The following SLC4A4 variants were observed in gnomAD, a reference collection of about 807,000 sequenced individuals.
SLC4A4 encodes electrogenic sodium bicarbonate cotransporter 1.
Under a neutral mutation model 111.5 loss-of-function variants are expected in SLC4A4, and 27 were observed. The ratio of observed to expected loss-of-function variants is 0.24; its 90% CI spans 0.18 to 0.33. The LOEUF (loss-of-function observed/expected upper bound fraction) is 0.33. Among genes scored for constraint, SLC4A4 ranks in the 10% least tolerant of loss-of-function variants. The pLI is 1.00. For missense variants in SLC4A4, 909 were observed against 1,315.5 expected (o/e 0.69, Z 4.78); for synonymous variants, 443 against 463.4 (o/e 0.96, Z 0.57).
intron 2 of SLC4A4, among the ~76,000 whole-genome samples, chr4:71,245,371 A>T (rs1003453973): frequency 1.3e-5 from 2 of 152,176 alleles, no homozygotes; most frequent in Admixed American, 1.3e-4. Context: ...GTGTCCCAAG[A>T]GGGCAAAGAC....
At chr4:71,430,006 G>A (rs1723493152) in intron 7 of SLC4A4, among the ~76,000 whole-genome samples, 1 of 151,918 alleles carries the variant, frequency 6.6e-6, no homozygotes, top group African/African-American at 2.4e-5. Flanking sequence ...TCATGCTTTA[G>A]CCATTACTTT....
At chr4:71,222,396 C>T (rs886592050) in intron 1 of SLC4A4, among the ~76,000 whole-genome samples, 2 of 152,364 alleles carry the variant, frequency 1.3e-5, no homozygotes, top group Admixed American at 1.3e-4. Flanking sequence ...AACTGCACCA[C>T]TACCCAGTTT....
At chr4:71,151,208 C>T (rs1450347404) in intron 2 of SLC4A4, among the ~76,000 whole-genome samples, 1 of 152,232 alleles carries the variant, frequency 6.6e-6, no homozygotes, top group Non-Finnish European at 1.5e-5. Flanking sequence ...ACTGCGTCTA[C>T]TGGTTTGCTG....
chr4:71,373,323 ACT>A (rs1374924083), intron 6 of SLC4A4, among the ~76,000 whole-genome samples: 2 of 152,186 alleles, frequency 1.3e-5, no homozygotes, highest in African/African-American at 4.8e-5. Flanking sequence ...CATTTATTAT[ACT>A]CTCTGCAAAT....
chr4:71,127,635 C>A (rs1743594001), intron 2 of SLC4A4, among the ~76,000 whole-genome samples: 2 of 151,652 alleles, frequency 1.3e-5, no homozygotes, highest in Admixed American at 1.3e-4. Flanking sequence ...GGACTTTGTA[C>A]CATAAATAAA....
Position 71,353,085 on chromosome 4 carries a change from G to C in SLC4A4, c.550+3013G>C, listed in dbSNP as rs73826279. On this transcript the variant is annotated intron_variant, in intron 5 of 25. Coordinates refer to ENST00000264485, the MANE Select transcript of SLC4A4 (RefSeq NM_001098484.3). ...CAGATTATACTGGAACGTCTTTAGC[G>C]AATGGCCAAAGAGAGAAGGTTTTGG... Among the ~76,000 whole-genome samples, 1,204 of 152,250 alleles carry C rather than the reference G, an allele frequency of 7.9e-3. 17 individuals carry two copies. The highest frequency in any genetic ancestry group is 0.026 in the African/African-American group (1,066 of 41,546).
chr4:71,495,070 A>G (rs564910541), intron 15 of SLC4A4, among the ~76,000 whole-genome samples: 1 of 152,180 alleles, frequency 6.6e-6, no homozygotes, highest in South Asian at 2.1e-4. Context: ...CCTTAATGAA[A>G]GGTGGTATTT....
chr4:71,453,471 G>A, intron 11 of SLC4A4, 24 bp from the exon 12 acceptor site: 1 of 1,609,232 alleles, frequency 6.2e-7, no homozygotes, highest in Non-Finnish European at 8.5e-7. Flanking sequence ...ACATTTAGTG[G>A]ATGTTTGCAT....
At chr4:71,316,122 C>T (rs968099988) in intron 3 of SLC4A4, among the ~76,000 whole-genome samples, 1 of 152,110 alleles carries the variant, frequency 6.6e-6, no homozygotes, top group Non-Finnish European at 1.5e-5. Context: ...TTTGAAGCCA[C>T]AAAAGCATGA....
intron 3 of SLC4A4, among the ~76,000 whole-genome samples, chr4:71,322,397 G>A (rs945862073): frequency 6.6e-6 from 1 of 151,992 alleles, no homozygotes; most frequent in Non-Finnish European, 1.5e-5. Flanking sequence ...TCTTTTGTAT[G>A]TGAAAGCATC....
At chr4:71,120,937 C>A (rs1403406621) in intron 2 of SLC4A4, among the ~76,000 whole-genome samples, 2 of 152,202 alleles carry the variant, frequency 1.3e-5, no homozygotes, top group Non-Finnish European at 2.9e-5. Flanking sequence ...GGGAGAGGCG[C>A]CGGCAGGAAC....
At position 71,544,423 on chromosome 4, in the gene SLC4A4, A is replaced by G. The variant is rs115416960; in HGVS notation, c.2443-1927A>G. On this transcript the variant is annotated intron_variant, in intron 18 of 25. Coordinates refer to ENST00000264485, the MANE Select transcript of SLC4A4 (RefSeq NM_001098484.3). The stretch of plus-strand genomic sequence containing the variant: ...GAAAGTGGTGGTGGCACAGGATCCA[A>G]GCATGAGAGAGATTAAAGATGAGGC... Among the ~76,000 whole-genome samples the G allele has an allele frequency of 4.7e-3, 714 of 152,020 alleles. 6 individuals are homozygous for G. Among genetic ancestry groups the G allele is most frequent in the African/African-American group, 0.015 (611 of 41,518 alleles).
At chr4:71,190,392 AC>A in intron 1 of SLC4A4, among the ~76,000 whole-genome samples, 1 of 90,788 alleles carries the variant, frequency 1.1e-5, no homozygotes, top group South Asian at 3.2e-4. Flanking sequence ...GTTTACACAC[AC>A]ACACACACAC....
intron 7 of SLC4A4, among the ~76,000 whole-genome samples, chr4:71,435,090 C>T (rs184732572): frequency 6.6e-5 from 10 of 151,880 alleles, no homozygotes; most frequent in Admixed American, 4.6e-4. Flanking sequence ...CACATGGAAC[C>T]GCATATCCAA....
intron 1 of SLC4A4, among the ~76,000 whole-genome samples, chr4:71,200,370 T>G (rs1746193638): frequency 6.6e-6 from 1 of 152,246 alleles, no homozygotes; most frequent in Non-Finnish European, 1.5e-5. Context: ...TATTTTCTGA[T>G]GTACATCATT....
chr4:71,283,127 GA>G lies in SLC4A4; in HGVS notation c.253+27729del, dbSNP rs140519434. ...ATCTTTTATGATCACCCAAAACTGT[GA>G]TCAGTGTAGCAACAATGACCAGAAT... On this transcript the variant is annotated intron_variant, in intron 3 of 25. Coordinates refer to ENST00000264485, the MANE Select transcript of SLC4A4 (RefSeq NM_001098484.3). Among the ~76,000 whole-genome samples the G allele has an allele frequency of 4.1e-4, 63 of 152,232 alleles. 1 individual carries two copies. In the East Asian group the frequency reaches 0.011, roughly 27 times the overall value.
chr4:71,485,579 TA>T (rs11341241), intron 14 of SLC4A4, among the ~76,000 whole-genome samples: 86,124 of 151,214 alleles, frequency 0.57, 27,278 homozygotes, highest in Non-Finnish European at 0.73. Flanking sequence ...ACACAGATAA[TA>T]ATGCACATGT....
At chr4:71,531,152 C>G (rs1232575212) in intron 16 of SLC4A4, among the ~76,000 whole-genome samples, 1 of 152,102 alleles carries the variant, frequency 6.6e-6, no homozygotes, top group Non-Finnish European at 1.5e-5. Flanking sequence ...TGGTAATGCC[C>G]TTAGTCCTCA....
chr4:71,548,053 T>A (rs1735683946), intron 20 of SLC4A4, among the ~76,000 whole-genome samples: 1 of 151,938 alleles, frequency 6.6e-6, no homozygotes, highest in Non-Finnish European at 1.5e-5. Flanking sequence ...CATTTTTTAT[T>A]CTCCTTGTCT....
Sources: allele counts gnomAD v4.1 joint callset (sites outside exome capture counted in the v4.1 genomes callset), GRCh38; gene constraint gnomAD v4.1.1; transcripts MANE v1.5; gene names NCBI Gene and HGNC (gene_info 2026-07-23, HGNC 2026-07-21).